Variants in PGM3 observed in about 807,000 individuals in gnomAD.
The protein encoded by PGM3 is phosphoacetylglucosamine mutase.
Under a neutral mutation model 66.2 loss-of-function variants are expected in PGM3, and 40 were observed. The ratio of observed to expected loss-of-function variants is 0.60; its 90% confidence interval spans 0.47 to 0.79. The LOEUF (loss-of-function observed/expected upper bound fraction) is 0.79. PGM3 is among the 30% of genes least tolerant of loss of function. The pLI is 0.00. For missense variants in PGM3, 537 were observed against 643.4 expected (o/e 0.83, Z 1.79); for synonymous variants, 191 against 224.2 (o/e 0.85, Z 1.32).
chr6:83,185,185 A>T (rs1003673031), intron 4 of PGM3, among the ~76,000 whole-genome samples: 2 of 152,358 alleles, frequency 1.3e-5, no homozygotes, highest in South Asian at 4.1e-4. Flanking sequence ...GACACCACTC[A>T]GACCAATGCT....
intron 12 of PGM3, 122 bp from the exon 13 acceptor site, chr6:83,169,445 A>G: frequency 8.5e-7 from 1 of 1,171,152 alleles, no homozygotes; most frequent in Non-Finnish European, 1.2e-6. Flanking sequence ...TTTCACTAAC[A>G]AATTCTAATG....
At chr6:83,189,476 T>C (rs966522566) in intron 2 of PGM3, among the ~76,000 whole-genome samples, 8 of 152,220 alleles carry the variant, frequency 5.3e-5, no homozygotes, top group Non-Finnish European at 5.9e-5. Flanking sequence ...CAATCAATTA[T>C]GGTGACTTAC....
the PGM3 span, chr6:83,153,702 G>C: frequency 1.3e-5 from 16 of 1,259,868 alleles, no homozygotes; most frequent in Non-Finnish European, 1.7e-5. Context: ...GCCATTTCTA[G>C]AATTATCATA....
At chr6:83,191,324 C>T (rs1218436609) in intron 1 of PGM3, 1 of 1,168,784 alleles carries the variant, frequency 8.6e-7, no homozygotes, top group Non-Finnish European at 1.2e-6. Flanking sequence ...CCACTCTCAA[C>T]TAAAATGAAG....
downstream of PGM3, among the ~76,000 whole-genome samples, chr6:83,159,195 C>T (rs985984442): frequency 6.6e-6 from 1 of 152,132 alleles, no homozygotes; most frequent in Admixed American, 6.5e-5. Context: ...AGAGAATTTT[C>T]TCATCCTTGC....
In PGM3 at chr6:83,187,051, T is replaced by C; in HGVS notation, c.414A>G (p.Gln138=). The change falls in exon 4 of 13, where the codon CAA becomes CAG. Residue 138 remains glutamine (Q), a synonymous_variant. Transcript: ENST00000513973. The part of the protein sequence containing the change: ...DTRPSSEKLS[Q]SVIDGVTVLG... ...GAACAGTCACACCATCTATTACAGA[T>C]TGTGAAAGTTTCTCACTGCTGGGCC... is the stretch of plus-strand genomic sequence containing the variant. The C allele has an allele frequency of 6.2e-7, 1 of 1,602,418 alleles. No homozygotes were observed. Among genetic ancestry groups the C allele is most frequent in the Non-Finnish European group, 8.5e-7 (1 of 1,169,716 alleles).
chr6:83,170,964 C>T (rs1272867640), intron 11 of PGM3: 1 of 154,608 alleles, frequency 6.5e-6, no homozygotes, highest in East Asian at 1.9e-4. Context: ...AATTCTCTCC[C>T]TCAGGAAGTA....
At chr6:83,190,188 C>A (rs879519137) in intron 2 of PGM3, among the ~76,000 whole-genome samples, 2 of 152,178 alleles carry the variant, frequency 1.3e-5, no homozygotes, top group Non-Finnish European at 2.9e-5. Flanking sequence ...TAGTGGTAAT[C>A]ATTTCACAAT....
At chr6:83,190,610 C>T (rs1011737019) in intron 2 of PGM3, 199 bp downstream of exon 2, 4 of 584,046 alleles carry the variant, frequency 6.8e-6, no homozygotes, top group Non-Finnish European at 1.2e-5. Flanking sequence ...AGTATCTTTT[C>T]ATTCTTTCCA....
chr6:83,187,305 AATAGAT>A (rs1458125680), intron 3 of PGM3, among the ~76,000 whole-genome samples: 1 of 152,190 alleles, frequency 6.6e-6, no homozygotes, highest in African/African-American at 2.4e-5. Context: ...GAATTTATAA[AATAGAT>A]ATAAAGGACA....
At chr6:83,159,695 A>C, downstream of PGM3, 1 of 1,313,238 alleles carries the variant, frequency 7.6e-7, no homozygotes, top group Non-Finnish European at 1.1e-6. Context: ...CATTTATCTC[A>C]GGATGATTAT....
chr6:83,168,912 G>A lies in PGM3; in HGVS notation c.*322C>T, dbSNP rs964241418. 4.6e-6 allele frequency: 5 copies of A among 1,083,836 alleles called. No individual in the cohort carries two copies. In the African/African-American group the frequency reaches 6.5e-5, roughly 14 times the overall value. 67.1% of individuals were successfully genotyped at this position (1,083,836 alleles called of 1,614,324 possible). A position where few individuals can be genotyped will look rare whatever the true frequency, so the allele number is the denominator to read the frequency against. On this transcript the variant is annotated 3_prime_UTR_variant, in exon 13 of 13. Transcript: ENST00000513973. Reference sequence around the variant, plus strand: ...ATGGCAAAGATATCACAAGGAGTTGGTAATAAGATTTAATTTTCCAGTAGC... The same window carrying A: ...ATGGCAAAGATATCACAAGGAGTTGATAATAAGATTTAATTTTCCAGTAGC...
chr6:83,193,588 G>C (rs924660633), upstream of PGM3: 1 of 152,180 alleles, frequency 6.6e-6, no homozygotes, highest in Non-Finnish European at 1.5e-5. Context: ...GGGGTTCCTA[G>C]TGGTCTTGGC....
chr6:83,183,588 C>G (rs1419519576), intron 4 of PGM3, among the ~76,000 whole-genome samples: 1 of 152,154 alleles, frequency 6.6e-6, no homozygotes, highest in Non-Finnish European at 1.5e-5. Flanking sequence ...CCCCATGTCA[C>G]CATTCCCAGG....
chr6:83,176,266 G>C (rs1323842820), intron 8 of PGM3: 5 of 460,998 alleles, frequency 1.1e-5, no homozygotes, highest in African/African-American at 9.7e-5. Flanking sequence ...GGTAAAGCAC[G>C]GTGAGAGAGA....
At chr6:83,178,421 C>T (rs1289729886) in intron 8 of PGM3, among the ~76,000 whole-genome samples, 1 of 152,164 alleles carries the variant, frequency 6.6e-6, no homozygotes, top group Admixed American at 6.5e-5. Context: ...GAAAGACTTA[C>T]ATTCATTACA....
chr6:83,167,895 T>C lies in PGM3; in HGVS notation c.*1339A>G, dbSNP rs769842907. 18 of 1,613,072 alleles carry C rather than the reference T, an allele frequency of 1.1e-5. No homozygotes were observed. Among genetic ancestry groups the C allele is most frequent in the African/African-American group, 2.7e-5 (2 of 74,932 alleles). Reference sequence around the variant, plus strand: ...AGAGGAAGACAACTCAGGGAGAACATTGGGTTGGGAGCCAGGGCACTTGCT... The same window carrying C: ...AGAGGAAGACAACTCAGGGAGAACACTGGGTTGGGAGCCAGGGCACTTGCT... On this transcript the variant is annotated 3_prime_UTR_variant, in exon 13 of 13. Coordinates refer to ENST00000513973, the MANE Select transcript of PGM3 (RefSeq NM_015599.3).
chr6:83,151,678 T>C, the PGM3 span: 1 of 1,587,678 alleles, frequency 6.3e-7, no homozygotes, highest in Non-Finnish European at 8.5e-7. Context: ...GTCTAAGAGC[T>C]GTTGCCAAAA....
At chr6:83,193,334 G>C (rs1363421474), upstream of PGM3, 2 of 152,294 alleles carry the variant, frequency 1.3e-5, no homozygotes, top group African/African-American at 2.4e-5. Context: ...AGGACTATCC[G>C]CCAGCCCCGC....
Sources: allele counts gnomAD v4.1 joint callset (sites outside exome capture counted in the v4.1 genomes callset), GRCh38; gene constraint gnomAD v4.1.1; transcripts MANE v1.5; gene names NCBI Gene and HGNC (gene_info 2026-07-23, HGNC 2026-07-21).